The following ERC2 variants were observed in gnomAD, a reference collection of about 807,000 sequenced individuals.
The protein encoded by ERC2 is ELKS/RAB6-interacting/CAST family member 2, also known as ERC protein 2.
In ERC2, 42 loss-of-function variants were observed where a neutral mutation model predicts 114.8. That is an observed-to-expected ratio of 0.37 (90% confidence interval 0.29 to 0.47). The LOEUF (loss-of-function observed/expected upper bound fraction) is 0.47. ERC2 is among the 20% of genes least tolerant of loss of function. The pLI is 0.99. For synonymous variants in ERC2, 454 were observed against 425.5 expected, an observed-to-expected ratio of 1.07 and a Z score of -0.82; for missense variants, 939 against 1,150.7, an observed-to-expected ratio of 0.82 and a Z score of 2.66.
intron 2 of ERC2, among the ~76,000 whole-genome samples, chr3:56,426,241 G>T (rs1361290727): frequency 6.6e-6 from 1 of 152,140 alleles, no homozygotes; most frequent in Non-Finnish European, 1.5e-5. Flanking sequence ...GATAAGACAG[G>T]TCTGAGAAGT....
Position 56,432,547 on chromosome 3 carries a change from G to A in ERC2, c.657+1804C>T, listed in dbSNP as rs141083195. ...TCCAACTACAAAATCACATTTCTAC[G>A]TCTGAAAACTAGCTTTGGCTCTGTT... On this transcript the variant is annotated intron_variant, in intron 2 of 17. Transcript: ENST00000288221. Among the ~76,000 whole-genome samples the A allele has an allele frequency of 2.8e-3, 424 of 152,246 alleles. 3 individuals carry two copies. The highest frequency in any genetic ancestry group is 9.9e-3 in the African/African-American group (411 of 41,552).
At chr3:56,260,631 G>C (rs2052854354) in intron 3 of ERC2, among the ~76,000 whole-genome samples, 1 of 152,134 alleles carries the variant, frequency 6.6e-6, no homozygotes, top group Non-Finnish European at 1.5e-5. Context: ...TTTGGCTCTG[G>C]CCATAATAGC....
chr3:55,660,881 G>A (rs931027594), intron 17 of ERC2, among the ~76,000 whole-genome samples: 6 of 152,190 alleles, frequency 3.9e-5, no homozygotes, highest in Non-Finnish European at 8.8e-5. Context: ...ATAAATCCTT[G>A]TAGGGCTGTT....
intron 14 of ERC2, among the ~76,000 whole-genome samples, chr3:55,840,693 A>G (rs1020120414): frequency 3.3e-5 from 5 of 152,126 alleles, no homozygotes; most frequent in Admixed American, 2.0e-4. Flanking sequence ...GGTCATAGTT[A>G]TTTTATTTAA....
intron 13 of ERC2, among the ~76,000 whole-genome samples, chr3:55,947,869 C>A (rs933191099): frequency 1.3e-5 from 2 of 152,132 alleles, no homozygotes; most frequent in African/African-American, 4.8e-5. Flanking sequence ...CAGAAAGAAC[C>A]AGACATCATT....
chr3:55,649,328 T>C (rs553455985), intron 17 of ERC2, among the ~76,000 whole-genome samples: 181 of 151,618 alleles, frequency 1.2e-3, no homozygotes, highest in African/African-American at 4.2e-3. Flanking sequence ...TGGTGCAATC[T>C]TGGCTCACTG....
intron 16 of ERC2, among the ~76,000 whole-genome samples, chr3:55,686,890 T>A (rs957775174): frequency 6.6e-6 from 1 of 152,216 alleles, no homozygotes; most frequent in Admixed American, 6.5e-5. Flanking sequence ...CCATCAGTCA[T>A]CTGCATGCTT....
At chr3:55,951,474 A>G (rs552802465) in intron 12 of ERC2, among the ~76,000 whole-genome samples, 1 of 152,324 alleles carries the variant, frequency 6.6e-6, no homozygotes, top group East Asian at 1.9e-4. Flanking sequence ...AAGACTAAAG[A>G]TAAAGAATGG....
At chr3:56,303,981 C>T (rs2056065724) in intron 2 of ERC2, among the ~76,000 whole-genome samples, 1 of 151,900 alleles carries the variant, frequency 6.6e-6, no homozygotes, top group Non-Finnish European at 1.5e-5. Context: ...CGAGTGATGG[C>T]CATATGCAAA....
At chr3:56,205,105 C>T (rs1054925676) in intron 3 of ERC2, among the ~76,000 whole-genome samples, 4 of 152,138 alleles carry the variant, frequency 2.6e-5, no homozygotes, top group Non-Finnish European at 1.5e-5. Context: ...AGAATCTCAA[C>T]TTCTTTGGAC....
chr3:55,822,737 C>T (rs930946596), intron 14 of ERC2, among the ~76,000 whole-genome samples: 11 of 150,998 alleles, frequency 7.3e-5, no homozygotes, highest in Non-Finnish European at 1.5e-4. Context: ...CCTCAGCCTC[C>T]CGAGTAGCTG....
At chr3:56,344,846 C>T (rs2058243891) in intron 2 of ERC2, among the ~76,000 whole-genome samples, 1 of 152,136 alleles carries the variant, frequency 6.6e-6, no homozygotes, top group Non-Finnish European at 1.5e-5. Flanking sequence ...GCTATGTTTT[C>T]CAATTCTAAG....
At chr3:55,945,812 G>A (rs148403662) in intron 13 of ERC2, among the ~76,000 whole-genome samples, 14 of 152,066 alleles carry the variant, frequency 9.2e-5, no homozygotes, top group South Asian at 2.1e-4. Flanking sequence ...GAAACTTTAC[G>A]GTTCCCTGGG....
intron 2 of ERC2, among the ~76,000 whole-genome samples, chr3:56,357,612 C>T (rs1358658051): frequency 2.0e-5 from 3 of 151,764 alleles, no homozygotes; most frequent in Non-Finnish European, 4.4e-5. Flanking sequence ...TGGCTTCTGA[C>T]GTGGGTCTCA....
At chr3:56,027,795 G>A (rs1290231484) in intron 7 of ERC2, among the ~76,000 whole-genome samples, 2 of 152,080 alleles carry the variant, frequency 1.3e-5, no homozygotes, top group Non-Finnish European at 2.9e-5. Context: ...GTCTTTCACA[G>A]AACAAAAGGT....
chr3:55,795,565 C>T (rs1243854593), intron 14 of ERC2, among the ~76,000 whole-genome samples: 1 of 152,204 alleles, frequency 6.6e-6, no homozygotes, highest in Non-Finnish European at 1.5e-5. Context: ...CATAGTGCTT[C>T]TGTAACTCCA....
chr3:55,686,716 A>C (rs576398459), intron 16 of ERC2, among the ~76,000 whole-genome samples: 1 of 152,326 alleles, frequency 6.6e-6, no homozygotes, highest in Admixed American at 6.5e-5. Flanking sequence ...TGCATCTATC[A>C]GGCCTGGGAG....
chr3:55,872,984 C>T (rs2062654612), intron 14 of ERC2, among the ~76,000 whole-genome samples: 2 of 152,128 alleles, frequency 1.3e-5, no homozygotes, highest in Non-Finnish European at 2.9e-5. Flanking sequence ...TTCTGATTGT[C>T]ACAACTGGGG....
intron 1 of ERC2, among the ~76,000 whole-genome samples, chr3:56,460,320 G>A (rs2063254288): frequency 6.6e-6 from 1 of 152,210 alleles, no homozygotes; most frequent in Non-Finnish European, 1.5e-5. Context: ...GCAGCCTTGA[G>A]AGTAAGGCAG....
Sources: allele counts gnomAD v4.1 joint callset (sites outside exome capture counted in the v4.1 genomes callset), GRCh38; gene constraint gnomAD v4.1.1; transcripts MANE v1.5; gene names NCBI Gene and HGNC (gene_info 2026-07-23, HGNC 2026-07-21).